The following ELF1 variants were observed in gnomAD, a reference collection of about 807,000 sequenced individuals.
ELF1 encodes the protein E74 like ETS transcription factor 1.
Under a neutral mutation model 59.9 loss-of-function variants are expected in ELF1, and 24 were observed. The ratio of observed to expected loss-of-function variants is 0.40; its 90% CI spans 0.29 to 0.56. The LOEUF (loss-of-function observed/expected upper bound fraction) is 0.56. Ranked by LOEUF, ELF1 falls within the 20% of genes least tolerant of loss-of-function variation. ELF1 has a pLI of 0.44. For synonymous variants in ELF1, 248 were observed against 266.2 expected (o/e 0.93, Z 0.67); for missense variants, 627 against 742.2 (o/e 0.84, Z 1.80).
intron 2 of ELF1, among the ~76,000 whole-genome samples, chr13:40,966,081 T>G (rs1872156364): frequency 1.3e-5 from 2 of 152,208 alleles, no homozygotes; most frequent in Admixed American, 1.3e-4. Context: ...ACAATTACAT[T>G]TTTATATTAT....
At chr13:40,991,830 T>C (rs1873868366) in intron 1 of ELF1, among the ~76,000 whole-genome samples, 1 of 152,186 alleles carries the variant, frequency 6.6e-6, no homozygotes, top group African/African-American at 2.4e-5. Context: ...CAATTGTATA[T>C]CTATCTATCT....
At chr13:41,060,935 C>CGCT in exon 1 of ELF1, 1 of 370,830 alleles carries the variant, frequency 2.7e-6, no homozygotes, top group Non-Finnish European at 5.4e-6. Flanking sequence ...CCGCCGCCGC[C>CGCT]GCCGCCGCCG....
Position 40,941,153 on chromosome 13 carries a change from T to C in ELF1, c.1024A>G (p.Thr342Ala). 1 of 1,614,116 alleles carries C rather than the reference T, an allele frequency of 6.2e-7. No individual in the cohort carries two copies. The highest frequency in any genetic ancestry group is 8.5e-7 in the Non-Finnish European group (1 of 1,179,936). ...SSSPGVKGGATTVLKPGNSKA... is the reference protein window; with the variant it reads ...SSSPGVKGGAATVLKPGNSKA... The stretch of plus-strand genomic sequence containing the variant: ...GAATTCCCTGGTTTTAGAACTGTAG[T>C]GGCTCCTCCTTTTACCCCTGGACTT... The change falls in exon 8 of 9, where the codon ACT becomes GCT. Residue 342 changes from threonine (T) to alanine (A), a missense_variant. Physicochemically the swap from Thr to Ala is moderately conservative, Grantham distance 58. This residue lies in a region of ELF1 where 361 missense variants were observed against 396.1 expected (regional missense o/e 0.91). Transcript: ENST00000239882.
At chr13:41,016,881 T>C (rs1265076060) in intron 1 of ELF1, among the ~76,000 whole-genome samples, 2 of 113,262 alleles carry the variant, frequency 1.8e-5, no homozygotes, top group Non-Finnish European at 3.3e-5. Flanking sequence ...ACCATTGCAC[T>C]CCAGCATGGG....
At chr13:41,005,195 G>A (rs928727683) in intron 1 of ELF1, among the ~76,000 whole-genome samples, 1 of 151,986 alleles carries the variant, frequency 6.6e-6, no homozygotes, top group Non-Finnish European at 1.5e-5. Context: ...TGCAAACAGA[G>A]CCAATAAAAA....
intron 1 of ELF1, among the ~76,000 whole-genome samples, chr13:40,985,579 C>G (rs1399959068): frequency 6.6e-6 from 1 of 152,168 alleles, no homozygotes; most frequent in Non-Finnish European, 1.5e-5. Flanking sequence ...TTTAAAATCT[C>G]CATCTCTAGG....
At chr13:41,005,171 G>A (rs571161614) in intron 1 of ELF1, among the ~76,000 whole-genome samples, 4 of 152,178 alleles carry the variant, frequency 2.6e-5, no homozygotes, top group African/African-American at 9.6e-5. Context: ...CATATAAATG[G>A]TGAAGAGTGT....
chr13:41,024,989 G>T (rs1875835893), intron 1 of ELF1, among the ~76,000 whole-genome samples: 1 of 152,060 alleles, frequency 6.6e-6, no homozygotes, highest in South Asian at 2.1e-4. Context: ...TCTTCCTAAA[G>T]AACAACTCTG....
intron 3 of ELF1, among the ~76,000 whole-genome samples, chr13:40,955,772 C>CG (rs1387688313): frequency 2.6e-4 from 9 of 34,090 alleles, no homozygotes; most frequent in Non-Finnish European, 3.0e-4. Context: ...GGGAGGGAGG[C>CG]GGGGGGGTCA....
At chr13:41,041,721 C>G (rs1876619894) in intron 1 of ELF1, among the ~76,000 whole-genome samples, 1 of 152,100 alleles carries the variant, frequency 6.6e-6, no homozygotes, top group Non-Finnish European at 1.5e-5. Flanking sequence ...AAAGCCAGTC[C>G]ATAGATCAGA....
At chr13:41,014,736 G>A (rs1033054060) in intron 1 of ELF1, among the ~76,000 whole-genome samples, 2 of 152,102 alleles carry the variant, frequency 1.3e-5, no homozygotes, top group African/African-American at 4.8e-5. Context: ...CTAATTTATG[G>A]AAGCAATGAT....
At chr13:41,020,914 G>C (rs1875663426), upstream of ELF1, among the ~76,000 whole-genome samples, 1 of 151,936 alleles carries the variant, frequency 6.6e-6, no homozygotes, top group East Asian at 1.9e-4. Flanking sequence ...GTAAAAGAGG[G>C]CAACAGTATT....
chr13:41,022,405 AG>A (rs550408865), upstream of ELF1, among the ~76,000 whole-genome samples: 15 of 152,274 alleles, frequency 9.9e-5, no homozygotes, highest in South Asian at 3.1e-3. Flanking sequence ...GCTGGAAATG[AG>A]GGGAGGGGGT....
At chr13:41,035,176 T>C (rs1360558925) in intron 1 of ELF1, among the ~76,000 whole-genome samples, 1 of 152,272 alleles carries the variant, frequency 6.6e-6, no homozygotes, top group African/African-American at 2.4e-5. Context: ...TCTTTGCATT[T>C]TGAGCACTCA....
In ELF1 at chr13:40,933,365, C is replaced by T; in HGVS notation, c.*60G>A. On this transcript the variant is annotated 3_prime_UTR_variant, in exon 9 of 9. Transcript: ENST00000239882. Reference sequence around the variant, plus strand: ...AGAATTTATCTTAGAATCAGTCAGTCTGCATATAATTGAAAATGTTCAATT... The same window carrying T: ...AGAATTTATCTTAGAATCAGTCAGTTTGCATATAATTGAAAATGTTCAATT... 6.5e-7 allele frequency: 1 copy of T among 1,542,288 alleles called. No homozygotes were observed. Among genetic ancestry groups the T allele is most frequent in the Non-Finnish European group, 8.7e-7 (1 of 1,144,810 alleles).
intron 1 of ELF1, chr13:40,993,153 A>C: frequency 1.3e-6 from 2 of 1,531,056 alleles, no homozygotes; most frequent in South Asian, 2.2e-5. Context: ...GATACTCTCC[A>C]TTTTTGTAGT....
intron 1 of ELF1, among the ~76,000 whole-genome samples, chr13:41,017,880 G>A (rs1384356611): frequency 6.6e-6 from 1 of 152,148 alleles, no homozygotes; most frequent in Non-Finnish European, 1.5e-5. Context: ...CTCAAAGGCT[G>A]ACTAAACCAG....
intron 1 of ELF1, among the ~76,000 whole-genome samples, chr13:41,059,434 T>A (rs1451700019): frequency 1.3e-5 from 2 of 152,236 alleles, no homozygotes; most frequent in Non-Finnish European, 2.9e-5. Context: ...TTAGGCTTTT[T>A]CTTTCTTTTT....
intron 1 of ELF1, among the ~76,000 whole-genome samples, chr13:41,039,243 A>G (rs1052841963): frequency 1.3e-5 from 2 of 151,798 alleles, no homozygotes; most frequent in Non-Finnish European, 2.9e-5. Context: ...TAAAAAATAA[A>G]TAAGTAAGTA....
Sources: allele counts gnomAD v4.1 joint callset (sites outside exome capture counted in the v4.1 genomes callset), GRCh38; gene constraint gnomAD v4.1.1; regional missense constraint gnomAD v4.1.1; transcripts MANE v1.5; gene names NCBI Gene and HGNC (gene_info 2026-07-23, HGNC 2026-07-21).